SCRN1: variants seen among roughly 807,000 people sequenced by gnomAD.
SCRN1 encodes secernin 1.
Under a neutral mutation model 43.3 loss-of-function variants are expected in SCRN1, and 19 were observed. The ratio of observed to expected loss-of-function variants is 0.44; its 90% CI spans 0.31 to 0.64. SCRN1 has a LOEUF of 0.64. SCRN1 is among the 30% of genes least tolerant of loss of function. The probability of loss-of-function intolerance (pLI) is 0.09; values close to 1 mark genes in which losing one functional copy is unlikely to be tolerated. For missense variants in SCRN1, 447 were observed against 524.1 expected (o/e 0.85, Z 1.44); for synonymous variants, 183 against 188.9 (o/e 0.97, Z 0.26).
At chr7:29,990,073 C>T (rs2127938113), upstream of SCRN1, 1 of 1,519,130 alleles carries the variant, frequency 6.6e-7, no homozygotes, top group Non-Finnish European at 8.8e-7. Context: ...ACCCGGGCTT[C>T]AAGGAGCCAG....
intron 2 of SCRN1, among the ~76,000 whole-genome samples, chr7:29,968,428 T>C (rs2128097480): frequency 6.6e-6 from 1 of 151,648 alleles, no homozygotes; most frequent in Non-Finnish European, 1.5e-5. Context: ...TGAAAAAAAA[T>C]GCAAAGTAGA....
intron 1 of SCRN1, among the ~76,000 whole-genome samples, chr7:29,977,728 A>G (rs1266230473): frequency 6.6e-6 from 1 of 152,260 alleles, no homozygotes; most frequent in Non-Finnish European, 1.5e-5. Flanking sequence ...GTGAGTAAGC[A>G]GGCTTTGAAG....
At position 29,920,491 on chromosome 7, in the gene SCRN1, A is replaced by C. The variant is rs903262961; in HGVS notation, c.*3466T>G. 5.3e-5 allele frequency: 8 copies of C among 152,304 alleles called. No homozygotes were observed. Among genetic ancestry groups the C allele is most frequent in the African/African-American group, 1.7e-4 (7 of 41,446 alleles). 9.4% of individuals were successfully genotyped at this position (152,304 alleles called of 1,614,324 possible). A position where few individuals can be genotyped will look rare whatever the true frequency, so the allele number is the denominator to read the frequency against. On this transcript the variant is annotated 3_prime_UTR_variant, in exon 8 of 8. Transcript: ENST00000242059. ...AAAAGCCACGGCTACGGGAAGCATA[A>C]GCTTGTGCTGCAACGGCATGTGCAC...
chr7:29,953,896 T>C (rs921627470), intron 3 of SCRN1, among the ~76,000 whole-genome samples: 1 of 152,232 alleles, frequency 6.6e-6, no homozygotes, highest in East Asian at 1.9e-4. Flanking sequence ...AGACCTCATA[T>C]TGAAAAAATG....
chr7:29,985,275 C>G (rs1789115156), intron 1 of SCRN1, among the ~76,000 whole-genome samples: 1 of 143,546 alleles, frequency 7.0e-6, no homozygotes. Context: ...CATGGTGGTG[C>G]GCACCTGTAA....
chr7:29,930,743 C>T (rs1258880094), intron 6 of SCRN1, among the ~76,000 whole-genome samples: 3 of 152,206 alleles, frequency 2.0e-5, no homozygotes, highest in Non-Finnish European at 4.4e-5. Context: ...GGGAATTTGC[C>T]CCAGTCACTC....
chr7:29,972,369 A>G (rs1788692438), intron 1 of SCRN1, among the ~76,000 whole-genome samples: 1 of 152,212 alleles, frequency 6.6e-6, no homozygotes, highest in East Asian at 1.9e-4. Context: ...AATGGTAGAA[A>G]TCCACCAATT....
At chr7:29,987,820 C>A (rs1449086598) in intron 1 of SCRN1, among the ~76,000 whole-genome samples, 1 of 152,190 alleles carries the variant, frequency 6.6e-6, no homozygotes, top group African/African-American at 2.4e-5. Context: ...CAGTTGACAG[C>A]CAGATATATG....
At chr7:29,948,100 GA>G (rs1326006145) in intron 3 of SCRN1, among the ~76,000 whole-genome samples, 1 of 152,242 alleles carries the variant, frequency 6.6e-6, no homozygotes. Context: ...TCCAGGGAAA[GA>G]GCGTGTGAAA....
Position 29,923,846 on chromosome 7 carries a change from G to C in SCRN1, c.*111C>G. Reference sequence around the variant, plus strand: ...ACAGTTTGATCTGGCTTCAGAAAAGGAGGCCACATATTAACTTTCTCATTT... The same window carrying C: ...ACAGTTTGATCTGGCTTCAGAAAAGCAGGCCACATATTAACTTTCTCATTT... On this transcript the variant is annotated 3_prime_UTR_variant, in exon 8 of 8. Transcript: ENST00000242059. The C allele has an allele frequency of 1.7e-6, 2 of 1,180,270 alleles. No homozygotes were observed. Among genetic ancestry groups the C allele is most frequent in the African/African-American group, 3.1e-5 (2 of 65,360 alleles). 73.1% of individuals were successfully genotyped at this position (1,180,270 alleles called of 1,614,324 possible).
chr7:29,936,404 T>C (rs2128088477), intron 6 of SCRN1, 152 bp downstream of exon 6: 1 of 547,748 alleles, frequency 1.8e-6, no homozygotes, highest in East Asian at 3.0e-5. Flanking sequence ...ATCAAAGCCC[T>C]TGGTGCTACA....
rs114898165 is a variant in SCRN1 at position 29,959,713 on chromosome 7, T to C, written c.160-4353A>G. ...CAGAGGGCAACATCCTCAACCACAC[T>C]TTAGAAGAACTGTTTTTTATTTCAC... On this transcript the variant is annotated intron_variant, in intron 2 of 7. Coordinates refer to ENST00000242059, the MANE Select transcript of SCRN1 (RefSeq NM_014766.5). Among the ~76,000 whole-genome samples, 1,152 of 152,238 alleles carry C rather than the reference T, an allele frequency of 7.6e-3. 21 individuals carry two copies. Among genetic ancestry groups the C allele is most frequent in the African/African-American group, 0.026 (1,073 of 41,524 alleles).
intron 1 of SCRN1, among the ~76,000 whole-genome samples, chr7:29,976,504 C>A (rs1788841005): frequency 6.6e-6 from 1 of 152,092 alleles, no homozygotes; most frequent in Non-Finnish European, 1.5e-5. Context: ...ATCAGTTGTG[C>A]AACAATATGG....
At chr7:29,963,487 A>G (rs1044370693) in intron 2 of SCRN1, among the ~76,000 whole-genome samples, 1 of 152,224 alleles carries the variant, frequency 6.6e-6, no homozygotes, top group Non-Finnish European at 1.5e-5. Context: ...TTGTTCAAGA[A>G]AAGGCAAGCA....
chr7:29,943,209 C>T (rs1787615447), intron 4 of SCRN1, among the ~76,000 whole-genome samples: 1 of 152,222 alleles, frequency 6.6e-6, no homozygotes, highest in Non-Finnish European at 1.5e-5. Flanking sequence ...CACATGGTCA[C>T]CACCCAGTCC....
intron 2 of SCRN1, among the ~76,000 whole-genome samples, chr7:29,958,559 A>T (rs542523280): frequency 6.6e-6 from 1 of 152,378 alleles, no homozygotes. Flanking sequence ...TCAGTGTGGC[A>T]AAAACAATTT....
chr7:29,945,217 T>A (rs1787696308), intron 3 of SCRN1, among the ~76,000 whole-genome samples: 1 of 152,194 alleles, frequency 6.6e-6, no homozygotes, highest in African/African-American at 2.4e-5. Context: ...ATAAACCCTT[T>A]AAAGAGGGCA....
In SCRN1 at chr7:29,984,885, C is replaced by T. The variant is rs555810873; in HGVS notation, c.-2+4757G>A. On this transcript the variant is annotated intron_variant, in intron 1 of 7. Coordinates refer to ENST00000242059, the MANE Select transcript of SCRN1 (RefSeq NM_014766.5). ...AGTGAGCCGAGATAGCACCACTGTA[C>T]TCCAGCCTGGGTGACAGAGCTAGAC... 3.7e-3 allele frequency among the ~76,000 whole-genome samples: 507 copies of T among 138,594 alleles called. 53 individuals carry two copies. The highest frequency in any genetic ancestry group is 5.8e-3 in the Non-Finnish European group (374 of 64,078). The allele number at this position is 138,594 out of a possible 152,430, so 90.9% of individuals were successfully genotyped here.
chr7:29,981,582 C>G (rs1788993730), intron 1 of SCRN1, among the ~76,000 whole-genome samples: 1 of 152,156 alleles, frequency 6.6e-6, no homozygotes, highest in Non-Finnish European at 1.5e-5. Flanking sequence ...GCTCCTTCTC[C>G]CAGCTTCAGG....
Sources: allele counts gnomAD v4.1 joint callset (sites outside exome capture counted in the v4.1 genomes callset), GRCh38; gene constraint gnomAD v4.1.1; transcripts MANE v1.5; gene names NCBI Gene and HGNC (gene_info 2026-07-23, HGNC 2026-07-21).